Variants in PITPNC1 observed in about 807,000 individuals in gnomAD.
The protein encoded by PITPNC1 is phosphatidylinositol transfer protein cytoplasmic 1.
In PITPNC1, 18 loss-of-function variants were observed where a neutral mutation model predicts 44.7. The ratio of observed to expected loss-of-function variants is 0.40; its 90% confidence interval spans 0.28 to 0.60. The LOEUF is 0.60. Ranked by LOEUF, PITPNC1 falls within the 20% of genes least tolerant of loss-of-function variation. The pLI, the probability that PITPNC1 is intolerant of heterozygous loss-of-function variation, is 0.39. For missense variants in PITPNC1, 290 were observed against 418.4 expected (o/e 0.69, Z 2.68); for synonymous variants, 141 against 149.6 (o/e 0.94, Z 0.42).
At chr17:67,463,440 C>G (rs949692775) in intron 1 of PITPNC1, among the ~76,000 whole-genome samples, 16 of 152,252 alleles carry the variant, frequency 1.1e-4, no homozygotes, top group Admixed American at 2.0e-4. Context: ...ACAAGTGAAA[C>G]AGGATGTCAT....
chr17:67,433,765 G>A (rs1327822664), intron 1 of PITPNC1, among the ~76,000 whole-genome samples: 2 of 152,052 alleles, frequency 1.3e-5, no homozygotes, highest in Admixed American at 6.6e-5. Flanking sequence ...GGAGGCTGAC[G>A]CAGGAGGATC....
rs2041453817 is a variant in PITPNC1, at chr17:67,595,890, C to T, written c.366+17633C>T. On this transcript the variant is annotated intron_variant, in intron 5 of 8. Coordinates refer to ENST00000581322, the MANE Select transcript of PITPNC1 (RefSeq NM_012417.4). ...AGACATGGTCATAAATACCTTTGGA[C>T]TATGCAAACCATTATCTAGAGTAAT... is the stretch of plus-strand genomic sequence containing the variant. Among the ~76,000 whole-genome samples the T allele has an allele frequency of 3.9e-5, 6 of 152,110 alleles. No individual in the cohort carries two copies. The South Asian group carries it at 1.2e-3, about 31-fold the overall frequency.
At chr17:67,562,207 G>A (rs147130058) in intron 4 of PITPNC1, among the ~76,000 whole-genome samples, 205 of 152,318 alleles carry the variant, frequency 1.3e-3, no homozygotes, top group Middle Eastern at 3.4e-3. Flanking sequence ...GTCAGAGGAC[G>A]GGAAGAGGAT....
intron 1 of PITPNC1, among the ~76,000 whole-genome samples, chr17:67,522,275 G>A (rs555302913): frequency 6.6e-5 from 10 of 152,090 alleles, no homozygotes; most frequent in African/African-American, 2.2e-4. Flanking sequence ...CTGCATTCCA[G>A]CCTGGGAGAG....
In PITPNC1 at chr17:67,426,542, A is replaced by G. The variant is rs2143882633; in HGVS notation, c.48+48340A>G. The stretch of plus-strand genomic sequence containing the variant: ...CAAACACCACGTGTTCTCACTCATA[A>G]GTGGGAGTTGAACAATGAGAACACA... On this transcript the variant is annotated intron_variant, in intron 1 of 8. Coordinates refer to ENST00000581322, the MANE Select transcript of PITPNC1 (RefSeq NM_012417.4). Among the ~76,000 whole-genome samples, 3 of 149,462 alleles carry G rather than the reference A, an allele frequency of 2.0e-5. No individual in the cohort carries two copies. In the South Asian group the frequency reaches 6.6e-4, roughly 33 times the overall value.
At chr17:67,544,786 G>A (rs949716276) in intron 2 of PITPNC1, among the ~76,000 whole-genome samples, 2 of 152,144 alleles carry the variant, frequency 1.3e-5, no homozygotes, top group South Asian at 4.1e-4. Flanking sequence ...CATGGCTTGG[G>A]TCTCTCTTTC....
intron 1 of PITPNC1, among the ~76,000 whole-genome samples, chr17:67,483,968 G>T (rs1360706194): frequency 4.7e-5 from 7 of 148,584 alleles, no homozygotes; most frequent in Non-Finnish European, 7.4e-5. Flanking sequence ...GCCCAGGCTG[G>T]AGTGCCGTGG....
chr17:67,574,516 G>A (rs1279425816), intron 4 of PITPNC1, among the ~76,000 whole-genome samples: 1 of 152,132 alleles, frequency 6.6e-6, no homozygotes, highest in Non-Finnish European at 1.5e-5. Flanking sequence ...AAGGGATGTA[G>A]GATAGATCAG....
At chr17:67,549,420 ATGATCG>A (rs2040727992) in intron 2 of PITPNC1, among the ~76,000 whole-genome samples, 1 of 152,176 alleles carries the variant, frequency 6.6e-6, no homozygotes, top group Non-Finnish European at 1.5e-5. Flanking sequence ...TCTTGACTAA[ATGATCG>A]TGGTTTTTTA....
At chr17:67,546,907 G>T (rs2040692948) in intron 2 of PITPNC1, among the ~76,000 whole-genome samples, 2 of 152,202 alleles carry the variant, frequency 1.3e-5, no homozygotes, top group South Asian at 4.1e-4. Flanking sequence ...TCACTTAGAA[G>T]AGTAACTAAA....
At chr17:67,533,274 T>A (rs1046122528) in intron 2 of PITPNC1, among the ~76,000 whole-genome samples, 2 of 152,050 alleles carry the variant, frequency 1.3e-5, no homozygotes, top group South Asian at 4.2e-4. Context: ...AAAATATTAC[T>A]ACATAAAATA....
chr17:67,572,271 A>G (rs1346829437), intron 4 of PITPNC1, among the ~76,000 whole-genome samples: 2 of 151,948 alleles, frequency 1.3e-5, no homozygotes, highest in African/African-American at 2.4e-5. Flanking sequence ...ATTTATCAGG[A>G]TCTTTAGGGA....
At chr17:67,547,161 G>A (rs553981609) in intron 2 of PITPNC1, among the ~76,000 whole-genome samples, 3 of 152,324 alleles carry the variant, frequency 2.0e-5, no homozygotes, top group African/African-American at 7.2e-5. Flanking sequence ...AACATGGCAG[G>A]TTTTAGGTAC....
chr17:67,542,125 C>T (rs2040618095), intron 2 of PITPNC1, among the ~76,000 whole-genome samples: 1 of 152,160 alleles, frequency 6.6e-6, no homozygotes, highest in African/African-American at 2.4e-5. Flanking sequence ...TCCTGATTCT[C>T]CTCCAGCATA....
chr17:67,464,369 A>G (rs373453362), intron 1 of PITPNC1, among the ~76,000 whole-genome samples: 7 of 152,296 alleles, frequency 4.6e-5, no homozygotes, highest in African/African-American at 1.7e-4. Context: ...ATTTAGGCTG[A>G]TGGCTTTCTC....
chr17:67,512,261 G>A (rs2040194165), intron 1 of PITPNC1, among the ~76,000 whole-genome samples: 1 of 152,198 alleles, frequency 6.6e-6, no homozygotes, highest in African/African-American at 2.4e-5. Context: ...CACTTTGGGA[G>A]GCCCAGGCGG....
At chr17:67,664,925 A>G (rs2042401033) in intron 6 of PITPNC1, among the ~76,000 whole-genome samples, 1 of 151,604 alleles carries the variant, frequency 6.6e-6, no homozygotes, top group Non-Finnish European at 1.5e-5. Context: ...AAAAAAGAAG[A>G]AGAAGACTTT....
At chr17:67,434,807 A>ATT (rs1555650822) in intron 1 of PITPNC1, among the ~76,000 whole-genome samples, 35 of 148,392 alleles carry the variant, frequency 2.4e-4, no homozygotes, top group Non-Finnish European at 3.7e-4. Context: ...CAAAAAAAAA[A>ATT]AAAAAATAAA....
intron 1 of PITPNC1, among the ~76,000 whole-genome samples, chr17:67,424,782 G>A (rs1326656052): frequency 6.6e-6 from 1 of 151,502 alleles, no homozygotes; most frequent in Non-Finnish European, 1.5e-5. Flanking sequence ...TGCAACCTCC[G>A]CCTCCTAGGT....
Sources: allele counts gnomAD v4.1 joint callset (sites outside exome capture counted in the v4.1 genomes callset), GRCh38; gene constraint gnomAD v4.1.1; transcripts MANE v1.5; gene names NCBI Gene and HGNC (gene_info 2026-07-23, HGNC 2026-07-21).